The following SKIL variants were observed in gnomAD, a reference collection of about 807,000 sequenced individuals.
SKIL encodes SKI like proto-oncogene, also known as ski-like protein.
In SKIL, 20 loss-of-function variants were observed where a neutral mutation model predicts 69.6. The observed-to-expected ratio is 0.29, with a 90% confidence interval of 0.20 to 0.42. The LOEUF (loss-of-function observed/expected upper bound fraction) is 0.42, where lower values mean the gene tolerates loss of function less well. Among genes scored for constraint, SKIL ranks in the 10% least tolerant of loss-of-function variants. SKIL has a pLI of 1.00. For synonymous variants in SKIL, 310 were observed against 279.9 expected (o/e 1.11, Z -1.08); for missense variants, 745 against 783.1 (o/e 0.95, Z 0.58).
chr3:170,374,779 A>C (rs1332242626), intron 2 of SKIL, among the ~76,000 whole-genome samples: 1 of 152,222 alleles, frequency 6.6e-6, no homozygotes, highest in Non-Finnish European at 1.5e-5. Context: ...AGGTAAAATT[A>C]GCTTGCAACA....
chr3:170,358,240 CGCTGAG>C (rs1387388467), intron 1 of SKIL, among the ~76,000 whole-genome samples: 1 of 152,026 alleles, frequency 6.6e-6, no homozygotes, highest in Non-Finnish European at 1.5e-5. Flanking sequence ...GCATTAGGGG[CGCTGAG>C]GTGACACCCG....
At position 170,382,420 on chromosome 3, in the gene SKIL, T is replaced by A. The variant is rs964212701; in HGVS notation, c.1196+1079T>A. On this transcript the variant is annotated intron_variant, in intron 3 of 6. Coordinates refer to ENST00000259119, the MANE Select transcript of SKIL (RefSeq NM_005414.5). Reference sequence around the variant, plus strand: ...ATTTGGTGTGCAACTTTGATTTTTTTTTTTTTTTTTTTGAGACAAAGTCTC... The same window carrying A: ...ATTTGGTGTGCAACTTTGATTTTTTATTTTTTTTTTTTGAGACAAAGTCTC... Among the ~76,000 whole-genome samples, 121 of 151,426 alleles carry A rather than the reference T, an allele frequency of 8.0e-4. 2 individuals are homozygous for A. The highest frequency in any genetic ancestry group is 3.2e-3 in the Admixed American group (48 of 15,226).
At chr3:170,381,771 C>G (rs1254450136) in intron 3 of SKIL, among the ~76,000 whole-genome samples, 2 of 151,354 alleles carry the variant, frequency 1.3e-5, no homozygotes, top group Non-Finnish European at 2.9e-5. Context: ...TCTTGTTAAT[C>G]ATAGATTATC....
chr3:170,387,769 A>AAAAAAAAAAC (rs1464178028), intron 4 of SKIL, among the ~76,000 whole-genome samples: 1 of 133,462 alleles, frequency 7.5e-6, no homozygotes, highest in Non-Finnish European at 1.6e-5. Flanking sequence ...TAAAAAAAAA[A>AAAAAAAAAAC]AAAAATACAA....
intron 2 of SKIL, 144 bp downstream of exon 2, chr3:170,361,573 T>G (rs1736235691): frequency 1.4e-6 from 1 of 691,458 alleles, no homozygotes; most frequent in Non-Finnish European, 2.4e-6. Context: ...TGTATTGCAG[T>G]TTTTAGGCCA....
chr3:170,385,538 A>G (rs1403519993), intron 4 of SKIL, among the ~76,000 whole-genome samples: 1 of 152,202 alleles, frequency 6.6e-6, no homozygotes, highest in Non-Finnish European at 1.5e-5. Flanking sequence ...CCAGGCATAT[A>G]GCATAAATGT....
intron 2 of SKIL, among the ~76,000 whole-genome samples, chr3:170,372,700 A>G (rs1736849450): frequency 6.6e-6 from 1 of 152,128 alleles, no homozygotes; most frequent in Admixed American, 6.5e-5. Context: ...GACCACTTGA[A>G]TGTCTTAGTA....
At chr3:170,391,522 T>C (rs1737918740) in intron 6 of SKIL, among the ~76,000 whole-genome samples, 1 of 152,106 alleles carries the variant, frequency 6.6e-6, no homozygotes. Flanking sequence ...GGTTTCACCA[T>C]GTTGGTCAGT....
At chr3:170,367,255 C>T (rs1736576597) in intron 2 of SKIL, among the ~76,000 whole-genome samples, 2 of 151,834 alleles carry the variant, frequency 1.3e-5, no homozygotes, top group Admixed American at 1.3e-4. Flanking sequence ...ACTACAGGTA[C>T]CCATCACCAC....
chr3:170,377,714 AATTT>A (rs1204671804), intron 2 of SKIL, among the ~76,000 whole-genome samples: 1 of 147,636 alleles, frequency 6.8e-6, no homozygotes, highest in East Asian at 2.0e-4. Flanking sequence ...GCACCCGACT[AATTT>A]TTTTTTTTTG....
chr3:170,358,923 A>G (rs1736077365), intron 1 of SKIL, among the ~76,000 whole-genome samples: 1 of 152,240 alleles, frequency 6.6e-6, no homozygotes, highest in African/African-American at 2.4e-5. Flanking sequence ...GTCATTCCAG[A>G]AAAATAGTGT....
chr3:170,358,228 C>T (rs1338084021), intron 1 of SKIL, among the ~76,000 whole-genome samples: 2 of 152,090 alleles, frequency 1.3e-5, no homozygotes, highest in Admixed American at 6.5e-5. Flanking sequence ...CGGGGAGGTG[C>T]AGCATTAGGG....
intron 2 of SKIL, among the ~76,000 whole-genome samples, chr3:170,375,905 A>G (rs1272456476): frequency 1.3e-5 from 2 of 152,132 alleles, no homozygotes; most frequent in Non-Finnish European, 2.9e-5. Context: ...AATTTAAAAA[A>G]TCTGGAAACA....
chr3:170,384,489 G>A, intron 3 of SKIL, 44 bp from the exon 4 acceptor site: 1 of 861,420 alleles, frequency 1.2e-6, no homozygotes, highest in Non-Finnish European at 1.8e-6. Flanking sequence ...TTACTTAATT[G>A]TAATATGTAA....
At chr3:170,362,207 T>C (rs907642293) in intron 2 of SKIL, among the ~76,000 whole-genome samples, 1 of 152,142 alleles carries the variant, frequency 6.6e-6, no homozygotes, top group Non-Finnish European at 1.5e-5. Context: ...TAATAAAATA[T>C]TAATATAAAA....
intron 2 of SKIL, among the ~76,000 whole-genome samples, chr3:170,364,342 A>G (rs1736396725): frequency 2.1e-5 from 1 of 48,482 alleles, no homozygotes. Flanking sequence ...TTTTTTTTTG[A>G]GACAGAGTTT....
chr3:170,389,330 T>C (rs1577446577), intron 4 of SKIL, among the ~76,000 whole-genome samples: 1 of 150,852 alleles, frequency 6.6e-6, no homozygotes, highest in Non-Finnish European at 1.5e-5. Flanking sequence ...TTTTTTTTTT[T>C]TGAGACGGAG....
At chr3:170,378,059 A>G (rs921102215) in intron 2 of SKIL, among the ~76,000 whole-genome samples, 26 of 148,494 alleles carry the variant, frequency 1.8e-4, no homozygotes, top group Admixed American at 6.7e-5. Context: ...ACACCTGGCT[A>G]ATTTTTGTAT....
At chr3:170,378,314 A>G (rs1293781206) in intron 2 of SKIL, among the ~76,000 whole-genome samples, 3 of 152,164 alleles carry the variant, frequency 2.0e-5, no homozygotes, top group Non-Finnish European at 4.4e-5. Flanking sequence ...GTTACTTGTC[A>G]GATCTCTCCC....
Sources: gnomAD v4.1 joint callset for allele counts (sites outside exome capture counted in the v4.1 genomes callset) on GRCh38, gnomAD v4.1.1 for gene constraint, MANE v1.5 for transcripts, NCBI Gene and HGNC (gene_info 2026-07-23, HGNC 2026-07-21) for gene names.